DPPA2: variants seen among roughly 807,000 people sequenced by gnomAD.
DPPA2 encodes developmental pluripotency associated 2, also known as developmental pluripotency-associated protein 2.
DPPA2 carries 26 observed loss-of-function variants against 36.2 expected under a neutral mutation model. The ratio of observed to expected loss-of-function variants is 0.72; its 90% CI spans 0.53 to 1.00. The LOEUF (loss-of-function observed/expected upper bound fraction) is 1.00. Ranked by LOEUF, DPPA2 falls within the 50% of genes least tolerant of loss-of-function variation. DPPA2 has a pLI of 0.00. For missense variants in DPPA2, 361 were observed against 365.1 expected (o/e 0.99, Z 0.09); for synonymous variants, 113 against 123.2 (o/e 0.92, Z 0.55).
intron 7 of DPPA2, 115 bp downstream of exon 7, chr3:109,304,360 G>T: frequency 9.0e-7 from 1 of 1,112,276 alleles, no homozygotes; most frequent in South Asian, 1.8e-5. Context: ...GATCTATGTG[G>T]CAAATTAAGA....
At chr3:109,300,145 A>G (rs909842997) in intron 8 of DPPA2, among the ~76,000 whole-genome samples, 2 of 152,234 alleles carry the variant, frequency 1.3e-5, no homozygotes, top group African/African-American at 2.4e-5. Context: ...GGAGATACCA[A>G]AGATGGTCAG....
rs188513022 is a variant in DPPA2 at position 109,314,625 on chromosome 3, A to G, written c.-13-70T>C. The G allele has an allele frequency of 2.0e-3, 2,841 of 1,439,868 alleles. 7 individuals carry two copies. The highest frequency in any genetic ancestry group is 2.5e-3 in the Non-Finnish European group (2,638 of 1,052,658). 89.2% of individuals were successfully genotyped at this position (1,439,868 alleles called of 1,614,324 possible). ...TTCTCTTAACCTGCTTTCTCCTTTT[A>G]TAAGCAAATGTTTCCTTCTACTTCC... On this transcript the variant is annotated intron_variant, in intron 1 of 8. Transcript: ENST00000478945.
chr3:109,298,631 G>A (rs1398124920), intron 8 of DPPA2, among the ~76,000 whole-genome samples: 3 of 151,534 alleles, frequency 2.0e-5, no homozygotes, highest in Admixed American at 1.3e-4. Flanking sequence ...CAGGAGAATC[G>A]CTTGAACCTG....
chr3:109,296,735 A>G (rs1266067048), intron 8 of DPPA2, among the ~76,000 whole-genome samples: 1 of 152,160 alleles, frequency 6.6e-6, no homozygotes, highest in East Asian at 1.9e-4. Flanking sequence ...TGCAAAAGAT[A>G]TATCTGATAG....
chr3:109,312,812 T>A, intron 2 of DPPA2, 120 bp from the exon 3 acceptor site: 1 of 1,214,958 alleles, frequency 8.2e-7, no homozygotes, highest in Non-Finnish European at 1.1e-6. Flanking sequence ...AGAAAAGAAT[T>A]ACTGGGATTC....
chr3:109,300,015 A>G (rs892822150), intron 8 of DPPA2, among the ~76,000 whole-genome samples: 4 of 152,354 alleles, frequency 2.6e-5, no homozygotes, highest in Non-Finnish European at 4.4e-5. Flanking sequence ...ATGGGAATAC[A>G]TGGGAACCCT....
intron 8 of DPPA2, among the ~76,000 whole-genome samples, chr3:109,294,282 T>C (rs903319547): frequency 6.6e-6 from 1 of 152,190 alleles, no homozygotes; most frequent in Non-Finnish European, 1.5e-5. Context: ...GGCCAGTCTT[T>C]AGGCAAGACA....
At chr3:109,302,126 C>T (rs528745752) in intron 7 of DPPA2, among the ~76,000 whole-genome samples, 4 of 152,176 alleles carry the variant, frequency 2.6e-5, no homozygotes, top group African/African-American at 4.8e-5. Context: ...TCCACTGATA[C>T]GCTGATTATC....
chr3:109,315,965 G>C (rs908502234), intron 1 of DPPA2, among the ~76,000 whole-genome samples: 5 of 152,210 alleles, frequency 3.3e-5, no homozygotes, highest in African/African-American at 1.2e-4. Context: ...AATAAATTAT[G>C]AGGCCCCACC....
At chr3:109,312,821 T>C in intron 2 of DPPA2, 129 bp from the exon 3 acceptor site, 1 of 1,176,614 alleles carries the variant, frequency 8.5e-7, no homozygotes, top group Non-Finnish European at 1.2e-6. Context: ...TTACTGGGAT[T>C]CCTAGAATGT....
At chr3:109,294,570 G>A (rs1023145069) in intron 8 of DPPA2, among the ~76,000 whole-genome samples, 1 of 152,138 alleles carries the variant, frequency 6.6e-6, no homozygotes, top group Non-Finnish European at 1.5e-5. Flanking sequence ...TCTCAAGCTC[G>A]CAGAGTTCTA....
Position 109,312,666 on chromosome 3 carries a change from A to C in DPPA2, c.60T>G (p.Asp20Glu), listed in dbSNP as rs1707731691. ...KKNFLEGEVD[D>E]EESVILTLVP... ...CCAGTGTCAAAATCACACTTTCCTC[A>C]TCATCTACTTCCCCCTCCAAGAAAT... Residue 20 changes from aspartate to glutamate, a missense_variant, in exon 3 of 9, where the codon GAT becomes GAG. By Grantham distance (45) the Asp-to-Glu change is conservative. Transcript: ENST00000478945. The C allele has an allele frequency of 3.7e-6, 6 of 1,613,776 alleles. No individual in the cohort carries two copies. The highest frequency in any genetic ancestry group is 5.1e-6 in the Non-Finnish European group (6 of 1,179,842).
intron 1 of DPPA2, 138 bp from the exon 2 acceptor site, chr3:109,314,693 G>T: frequency 2.9e-6 from 2 of 698,588 alleles, no homozygotes; most frequent in Non-Finnish European, 4.5e-6. Context: ...TCCTCTTTTT[G>T]CCCTCCCTCA....
At position 109,314,477 on chromosome 3, in the gene DPPA2, T is replaced by G. The variant is rs770854222; in HGVS notation, c.33+33A>C. The G allele has an allele frequency of 4.4e-6, 7 of 1,603,246 alleles. No individual in the cohort carries two copies. In the South Asian group the frequency reaches 7.8e-5, roughly 18 times the overall value. On this transcript the variant is annotated intron_variant, in intron 2 of 8. Coordinates refer to ENST00000478945, the MANE Select transcript of DPPA2 (RefSeq NM_138815.4). Reference sequence around the variant, plus strand: ...CTAGAAAGACTCTGAAAAGCGACTGTGAGAAAAGTAATTCTATTAGAATGA... The same window carrying G: ...CTAGAAAGACTCTGAAAAGCGACTGGGAGAAAAGTAATTCTATTAGAATGA...
At chr3:109,310,827 G>C (rs1707696498) in intron 3 of DPPA2, among the ~76,000 whole-genome samples, 2 of 146,206 alleles carry the variant, frequency 1.4e-5, no homozygotes, top group South Asian at 4.4e-4. Context: ...TTTGAGACAG[G>C]GTCTTGCTCT....
At chr3:109,304,318 T>C (rs1707509376) in intron 7 of DPPA2, among the ~76,000 whole-genome samples, 157 bp downstream of exon 7, 1 of 151,910 alleles carries the variant, frequency 6.6e-6, no homozygotes, top group African/African-American at 2.4e-5. Flanking sequence ...TGTAATTCAC[T>C]AGTGAGTTCT....
chr3:109,312,673 A>T lies in DPPA2; in HGVS notation c.53T>A (p.Val18Glu). The T allele has an allele frequency of 6.2e-7, 1 of 1,613,656 alleles. No individual in the cohort carries two copies. Among genetic ancestry groups the T allele is most frequent in the South Asian group, 1.1e-5 (1 of 91,014 alleles). ...SSKKNFLEGEVDDEESVILTL... is the reference protein window; with the variant it reads ...SSKKNFLEGEEDDEESVILTL... ...CAAAATCACACTTTCCTCATCATCT[A>T]CTTCCCCCTCCAAGAAATTCTGGAA... is the stretch of plus-strand genomic sequence containing the variant. The change falls in exon 3 of 9, where the codon GTA (valine) becomes GAA (glutamate). Residue 18 changes from valine to glutamate, a missense_variant. By Grantham distance (121) the Val-to-Glu change is moderately radical. Transcript: ENST00000478945.
intron 7 of DPPA2, 34 bp downstream of exon 7, chr3:109,304,441 G>C (rs763914726): frequency 6.4e-7 from 1 of 1,551,734 alleles, no homozygotes; most frequent in African/African-American, 1.4e-5. Flanking sequence ...CTACTTTTCT[G>C]TGTGCCATGC....
chr3:109,311,287 G>A (rs1240209678), intron 3 of DPPA2, among the ~76,000 whole-genome samples: 1 of 152,222 alleles, frequency 6.6e-6, no homozygotes, highest in Admixed American at 6.5e-5. Context: ...CCATCACATT[G>A]TCTATCCCCA....
Sources: gnomAD v4.1 joint callset for allele counts (sites outside exome capture counted in the v4.1 genomes callset) on GRCh38, gnomAD v4.1.1 for gene constraint, MANE v1.5 for transcripts, NCBI Gene and HGNC (gene_info 2026-07-23, HGNC 2026-07-21) for gene names.